Variants in CRPPA observed in about 807,000 individuals in gnomAD.
The protein encoded by CRPPA is D-ribitol-5-phosphate cytidylyltransferase.
In CRPPA, 43 loss-of-function variants were observed where a neutral mutation model predicts 52.0. The observed-to-expected ratio is 0.83, with a 90% CI of 0.65 to 1.07. CRPPA has a LOEUF of 1.07. CRPPA is among the 50% of genes least tolerant of loss of function. The pLI is 0.00. For missense variants in CRPPA, 629 were observed against 551.7 expected, an observed-to-expected ratio of 1.14 and a Z score of -1.40; for synonymous variants, 250 against 203.5, an observed-to-expected ratio of 1.23 and a Z score of -1.94.
At chr7:16,313,557 T>A (rs1338442245) in intron 3 of CRPPA, among the ~76,000 whole-genome samples, 1 of 151,996 alleles carries the variant, frequency 6.6e-6, no homozygotes. Context: ...GCTCCAATTT[T>A]TATTTGCTTT....
chr7:16,237,316 A>G (rs995633900), intron 8 of CRPPA: 3 of 152,160 alleles, frequency 2.0e-5, no homozygotes, highest in Admixed American at 2.0e-4. Flanking sequence ...CAGTTCTGGA[A>G]GTTGGAAGTA....
At chr7:16,163,114 C>T (rs942048645) in intron 9 of CRPPA, among the ~76,000 whole-genome samples, 2 of 151,714 alleles carry the variant, frequency 1.3e-5, no homozygotes, top group Non-Finnish European at 2.9e-5. Flanking sequence ...GCTGGGACTA[C>T]AGGCGCCTGC....
At chr7:16,279,157 T>C (rs1211763876) in intron 5 of CRPPA, among the ~76,000 whole-genome samples, 1 of 152,200 alleles carries the variant, frequency 6.6e-6, no homozygotes, top group African/African-American at 2.4e-5. Context: ...ATCAAAAGTA[T>C]GTTTGATTAA....
At position 16,389,926 on chromosome 7, in the gene CRPPA, AAAATATATATATATAT is replaced by A. The variant is rs1382048803; in HGVS notation, c.535-13701_535-13686del. Reference sequence around the variant, plus strand: ...AAGCCTAGTATACAAAAAAAAAAAAAAAATATATATATATATATATATATATATATATCAGTTTACT... The same window carrying A: ...AAGCCTAGTATACAAAAAAAAAAAAAATATATATATATATATCAGTTTACT... On this transcript the variant is annotated intron_variant, in intron 2 of 9. Transcript: ENST00000407010. 1.5e-3 allele frequency among the ~76,000 whole-genome samples: 85 copies of A among 55,012 alleles called. 1 individual carries two copies. The highest frequency in any genetic ancestry group is 6.2e-3 in the African/African-American group (76 of 12,336). 36.1% of individuals were successfully genotyped at this position (55,012 alleles called of 152,430 possible).
chr7:16,315,916 GC>G (rs1785134374), intron 3 of CRPPA, among the ~76,000 whole-genome samples: 1 of 152,024 alleles, frequency 6.6e-6, no homozygotes, highest in South Asian at 2.1e-4. Context: ...ACAGCAATTT[GC>G]CCTGTGTCCT....
At chr7:16,273,105 T>C in intron 6 of CRPPA, among the ~76,000 whole-genome samples, 1 of 110,496 alleles carries the variant, frequency 9.1e-6, no homozygotes. Flanking sequence ...CCTAATGCTA[T>C]CCCTCCCCCC....
chr7:16,383,357 T>C (rs1787164678), intron 2 of CRPPA, among the ~76,000 whole-genome samples: 1 of 152,216 alleles, frequency 6.6e-6, no homozygotes. Context: ...CTGGAATTTT[T>C]GTCTCAGAGG....
At chr7:16,145,887 T>A (rs990108189) in intron 9 of CRPPA, among the ~76,000 whole-genome samples, 1 of 152,022 alleles carries the variant, frequency 6.6e-6, no homozygotes, top group Non-Finnish European at 1.5e-5. Context: ...GAATGAGAAA[T>A]GGTAATTAGC....
chr7:16,209,128 C>T (rs1782048591), intron 9 of CRPPA: 2 of 371,980 alleles, frequency 5.4e-6, no homozygotes, highest in East Asian at 1.3e-4. Context: ...AAAGCTAAAA[C>T]TACAAAGAAG....
At chr7:16,306,460 G>GA (rs1030062468) in intron 4 of CRPPA, among the ~76,000 whole-genome samples, 16 of 152,146 alleles carry the variant, frequency 1.1e-4, no homozygotes, top group African/African-American at 3.1e-4. Flanking sequence ...CACCAAAAAG[G>GA]AAACACTGAA....
intron 3 of CRPPA, among the ~76,000 whole-genome samples, chr7:16,327,345 C>A (rs932058045): frequency 6.6e-6 from 1 of 152,126 alleles, no homozygotes. Context: ...GTAATCCCAG[C>A]ACTTTGGGAG....
intron 8 of CRPPA, among the ~76,000 whole-genome samples, chr7:16,254,812 A>AGAAAGAAAGAAAGAAAGAAAGAAAGAAC (rs1562588687): frequency 7.5e-5 from 11 of 147,054 alleles, no homozygotes; most frequent in African/African-American, 2.8e-4. Flanking sequence ...AAAGAAAGAA[A>AGAAAGAAAGAAAGAAAGAAAGAAAGAAC]GAAAGAAAGA....
At chr7:16,196,258 G>A (rs960255135) in intron 9 of CRPPA, among the ~76,000 whole-genome samples, 38 of 152,236 alleles carry the variant, frequency 2.5e-4, no homozygotes, top group African/African-American at 9.1e-4. Context: ...AGTTAGTTGA[G>A]TTTCTGGGCC....
rs746206045 is a variant in CRPPA at position 16,165,005 on chromosome 7, T to C, written c.1251+51061A>G. 1.1e-4 allele frequency among the ~76,000 whole-genome samples: 16 copies of C among 152,032 alleles called. 1 individual carries two copies. Among genetic ancestry groups the C allele is most frequent in the Non-Finnish European group, 2.4e-4 (16 of 68,010 alleles). ...GGGACCCACTTGAGGAGGCAGTCTG[T>C]CCCTTAGCAGAGCTCAAGCATTGTG... On this transcript the variant is annotated intron_variant, in intron 9 of 9. Transcript: ENST00000407010.
chr7:16,214,043 C>T (rs1393823137), intron 9 of CRPPA, among the ~76,000 whole-genome samples: 1 of 152,016 alleles, frequency 6.6e-6, no homozygotes, highest in East Asian at 1.9e-4. Flanking sequence ...AATGGCCAAG[C>T]CAATAATATA....
At chr7:16,306,332 A>C (rs1355927156) in intron 4 of CRPPA, among the ~76,000 whole-genome samples, 2 of 152,208 alleles carry the variant, frequency 1.3e-5, no homozygotes, top group Non-Finnish European at 2.9e-5. Context: ...CACTGTGTGG[A>C]AAGGCCAATC....
intron 3 of CRPPA, among the ~76,000 whole-genome samples, chr7:16,345,805 ACT>A (rs1213818093): frequency 6.6e-6 from 1 of 152,082 alleles, no homozygotes; most frequent in African/African-American, 2.4e-5. Flanking sequence ...ATGGAAATTG[ACT>A]CTATAAAAGT....
At chr7:16,200,814 C>T (rs537774564) in intron 9 of CRPPA, among the ~76,000 whole-genome samples, 7 of 152,262 alleles carry the variant, frequency 4.6e-5, no homozygotes, top group African/African-American at 7.2e-5. Flanking sequence ...AATTTTCACA[C>T]GGTAATGTGG....
intron 3 of CRPPA, among the ~76,000 whole-genome samples, chr7:16,356,323 T>C (rs1406697409): frequency 6.6e-6 from 1 of 152,158 alleles, no homozygotes; most frequent in Non-Finnish European, 1.5e-5. Context: ...ATATAGCACA[T>C]CAACAACAAT....
Sources: allele counts gnomAD v4.1 joint callset (sites outside exome capture counted in the v4.1 genomes callset), GRCh38; gene constraint gnomAD v4.1.1; transcripts MANE v1.5; gene names NCBI Gene and HGNC (gene_info 2026-07-23, HGNC 2026-07-21).